Variants in HS6ST2 observed in about 807,000 individuals in gnomAD.
HS6ST2 encodes the protein heparan sulfate 6-O-sulfotransferase 2, also known as heparan-sulfate 6-O-sulfotransferase 2.
In HS6ST2, 17 loss-of-function variants were observed where a neutral mutation model predicts 33.0. The observed-to-expected ratio is 0.52, with a 90% confidence interval of 0.35 to 0.77. The LOEUF is 0.77. HS6ST2 is among the 30% of genes least tolerant of loss of function. The pLI is 0.01. For missense variants in HS6ST2, 519 were observed against 551.7 expected (o/e 0.94, Z 0.59); for synonymous variants, 248 against 237.1 (o/e 1.05, Z -0.42).
At chrX:132,657,032 A>G (rs188866022) in intron 4 of HS6ST2, among the ~76,000 whole-genome samples, 1 of 111,456 alleles carries the variant, frequency 9.0e-6, no homozygotes, top group African/African-American at 3.3e-5. Flanking sequence ...TAGAAGCCAG[A>G]ATTGGAATGA....
At chrX:132,805,550 T>C (rs2065273374) in intron 2 of HS6ST2, among the ~76,000 whole-genome samples, 1 of 108,879 alleles carries the variant, frequency 9.2e-6, no homozygotes, top group Admixed American at 9.8e-5. Flanking sequence ...GCTAAACACA[T>C]ACCTACCCCT....
At chrX:132,889,313 A>C (rs771945200) in intron 2 of HS6ST2, among the ~76,000 whole-genome samples, 1 of 111,538 alleles carries the variant, frequency 9.0e-6, no homozygotes, top group Admixed American at 9.6e-5. Flanking sequence ...TTAAATCAAG[A>C]ATGATATAAG....
At chrX:132,954,321 G>A (rs995710109) in intron 2 of HS6ST2, among the ~76,000 whole-genome samples, 1 of 111,758 alleles carries the variant, frequency 8.9e-6, no homozygotes, top group Admixed American at 9.5e-5. Flanking sequence ...CTGGCATGGA[G>A]AGGCTGTTTG....
intron 2 of HS6ST2, among the ~76,000 whole-genome samples, chrX:132,894,237 G>A (rs1302000547): frequency 1.9e-5 from 2 of 107,833 alleles, no homozygotes; most frequent in Non-Finnish European, 3.8e-5. Flanking sequence ...TACCTCCTGG[G>A]TTCAAGCGAT....
At chrX:132,921,403 C>A (rs1259822658) in intron 2 of HS6ST2, among the ~76,000 whole-genome samples, 1 of 112,423 alleles carries the variant, frequency 8.9e-6, no homozygotes, top group East Asian at 2.8e-4. Context: ...TCCTGAAAAG[C>A]TGGCTATTGT....
chrX:132,906,610 G>T (rs771510562), intron 2 of HS6ST2, among the ~76,000 whole-genome samples: 1 of 111,480 alleles, frequency 9.0e-6, no homozygotes, highest in East Asian at 2.8e-4. Flanking sequence ...TAGATCCCTC[G>T]TGAATGGGCT....
At chrX:132,822,178 A>G (rs185723739) in intron 2 of HS6ST2, among the ~76,000 whole-genome samples, 32 of 111,741 alleles carry the variant, frequency 2.9e-4, no homozygotes, top group Non-Finnish European at 4.7e-4. Context: ...AATAAGTGGT[A>G]AAGATGCAAA....
chrX:132,695,692 T>C (rs1431953196), intron 3 of HS6ST2, among the ~76,000 whole-genome samples: 1 of 112,130 alleles, frequency 8.9e-6, no homozygotes, highest in Non-Finnish European at 1.9e-5. Context: ...CTTGAGTGCA[T>C]TGTTAGCACC....
intron 2 of HS6ST2, among the ~76,000 whole-genome samples, chrX:132,734,234 G>A (rs2064486177): frequency 9.2e-6 from 1 of 108,154 alleles, no homozygotes; most frequent in Non-Finnish European, 1.9e-5. Context: ...GGACAAAAAA[G>A]TGGCACTTCA....
At chrX:132,948,438 T>C (rs1444147583) in intron 2 of HS6ST2, among the ~76,000 whole-genome samples, 1 of 112,336 alleles carries the variant, frequency 8.9e-6, no homozygotes, top group Non-Finnish European at 1.9e-5. Flanking sequence ...TTATGCACAA[T>C]TTGCATGTAT....
At chrX:132,698,812 C>G (rs936997836) in intron 3 of HS6ST2, among the ~76,000 whole-genome samples, 1 of 111,593 alleles carries the variant, frequency 9.0e-6, no homozygotes, top group Non-Finnish European at 1.9e-5. Context: ...CTTGCTTCCT[C>G]CAAATTATCT....
intron 2 of HS6ST2, among the ~76,000 whole-genome samples, chrX:132,872,889 T>C (rs761764405): frequency 9.0e-6 from 1 of 111,724 alleles, no homozygotes; most frequent in Admixed American, 9.5e-5. Flanking sequence ...AACAAGCTGA[T>C]CAAAGCTCTG....
rs143589196 is a variant in HS6ST2, at chrX:132,900,177, T to A, written c.947+56631A>T. Among the ~76,000 whole-genome samples, 537 of 111,870 alleles carry A rather than the reference T, an allele frequency of 4.8e-3. 4 individuals are homozygous for A. The highest frequency in any genetic ancestry group is 0.043 in the East Asian group (152 of 3,573). ...TCATACCAACTGCAAGTAATGATAG[T>A]TTTATATCTTCCCTATCAATTCTTA... On this transcript the variant is annotated intron_variant, in intron 2 of 4. Coordinates refer to ENST00000370833, the MANE Select transcript of HS6ST2 (RefSeq NM_001394073.1).
intron 2 of HS6ST2, among the ~76,000 whole-genome samples, chrX:132,727,384 T>C (rs2064405552): frequency 9.0e-6 from 1 of 111,232 alleles, no homozygotes. Context: ...CTGCTTTCCA[T>C]GAGCCTACAG....
intron 2 of HS6ST2, among the ~76,000 whole-genome samples, chrX:132,782,531 C>T (rs1484711053): frequency 2.7e-5 from 3 of 111,650 alleles, no homozygotes; most frequent in African/African-American, 9.8e-5. Flanking sequence ...AAAAGATACA[C>T]CCAAGTTGCT....
chrX:132,868,054 G>C (rs1000807907), intron 2 of HS6ST2, among the ~76,000 whole-genome samples: 1 of 111,844 alleles, frequency 8.9e-6, no homozygotes, highest in Non-Finnish European at 1.9e-5. Context: ...CATGTGCAAA[G>C]ACACAAATAG....
At chrX:132,695,280 T>G (rs979446788) in intron 3 of HS6ST2, among the ~76,000 whole-genome samples, 2 of 111,653 alleles carry the variant, frequency 1.8e-5, no homozygotes, top group Admixed American at 1.9e-4. Context: ...AAAAACCTCT[T>G]AAGAAAGTAC....
At chrX:132,814,843 T>C (rs1320911268) in intron 2 of HS6ST2, among the ~76,000 whole-genome samples, 1 of 112,270 alleles carries the variant, frequency 8.9e-6, no homozygotes, top group South Asian at 3.7e-4. Flanking sequence ...AAATACTTTC[T>C]TTTCTCCACT....
At chrX:132,647,231 T>C (rs956974483) in intron 4 of HS6ST2, among the ~76,000 whole-genome samples, 1 of 110,904 alleles carries the variant, frequency 9.0e-6, no homozygotes, top group Non-Finnish European at 1.9e-5. Context: ...TTCAGTGACT[T>C]CCTCCTCCTC....
Sources: gnomAD v4.1 joint callset for allele counts (sites outside exome capture counted in the v4.1 genomes callset) on GRCh38, gnomAD v4.1.1 for gene constraint, MANE v1.5 for transcripts, NCBI Gene and HGNC (gene_info 2026-07-23, HGNC 2026-07-21) for gene names.